TAT: variants seen among roughly 807,000 people sequenced by gnomAD.
The protein encoded by TAT is tyrosine aminotransferase, also known as L-tyrosine:2-oxoglutarate aminotransferase.
In TAT, 35 loss-of-function variants were observed where a neutral mutation model predicts 53.6. That is an observed-to-expected ratio of 0.65 (90% CI 0.50 to 0.87). TAT has a LOEUF of 0.87. Among genes scored for constraint, TAT ranks in the 40% least tolerant of loss-of-function variants. The probability of loss-of-function intolerance (pLI) is 0.00; values close to 1 mark genes in which losing one functional copy is unlikely to be tolerated. For synonymous variants in TAT, 197 were observed against 206.5 expected (o/e 0.95, Z 0.39); for missense variants, 525 against 571.8 (o/e 0.92, Z 0.83).
intron 10 of TAT, 96 bp downstream of exon 10, chr16:71,569,758 T>G: frequency 8.2e-7 from 1 of 1,213,284 alleles, no homozygotes; most frequent in Non-Finnish European, 1.2e-6. Context: ...CTGGTTGTCT[T>G]TGTACCCTGC....
At chr16:71,576,544 CTTT>C in intron 1 of TAT, 117 bp from the exon 2 acceptor site, 1 of 878,568 alleles carries the variant, frequency 1.1e-6, no homozygotes. Context: ...CAAACTCTCT[CTTT>C]ATTTTTTTTT....
rs928646377 is a variant in TAT, at chr16:71,567,935, G to A, written c.*209C>T. 8.1e-6 allele frequency: 5 copies of A among 615,804 alleles called. No homozygotes were observed. Among genetic ancestry groups the A allele is most frequent in the South Asian group, 5.6e-5 (3 of 53,842 alleles). 38.1% of individuals were successfully genotyped at this position (615,804 alleles called of 1,614,324 possible). A position where few individuals can be genotyped will look rare whatever the true frequency, so the allele number is the denominator to read the frequency against. ...TGAATTAGTGAGTCACTCTAGCAGC[G>A]CAGAGCAAGGGAGAATCTGCGATGT... is the stretch of plus-strand genomic sequence containing the variant. On this transcript the variant is annotated 3_prime_UTR_variant, in exon 12 of 12. Coordinates refer to ENST00000355962, the MANE Select transcript of TAT (RefSeq NM_000353.3).
At chr16:71,569,056 T>C (rs2044182854) in intron 10 of TAT, among the ~76,000 whole-genome samples, 1 of 152,206 alleles carries the variant, frequency 6.6e-6, no homozygotes, top group African/African-American at 2.4e-5. Context: ...AGAATGCTAG[T>C]ATGTCTCAAA....
In TAT at chr16:71,573,536, C is replaced by T. The variant is rs759433992; in HGVS notation, c.408+3G>A. 8 of 1,552,830 alleles carry T rather than the reference C, an allele frequency of 5.2e-6. No homozygotes were observed. The East Asian group carries it at 1.5e-4, about 28-fold the overall frequency. ...CAGAGCTGGTGTCTTGTATAAGGCT[C>T]ACCTTAGCTTCTAGGGGTGCCTCAG... On this transcript the variant is annotated splice_donor_region_variant and intron_variant, in intron 4 of 11. Transcript: ENST00000355962.
intron 10 of TAT, 33 bp downstream of exon 10, chr16:71,569,821 C>A (rs1235169353): frequency 1.3e-6 from 2 of 1,597,560 alleles, no homozygotes; most frequent in South Asian, 1.1e-5. Flanking sequence ...TTACAACATG[C>A]ATTGACCTAG....
Position 71,568,282 on chromosome 16 carries a change from G to A in TAT, c.1227C>T (p.Cys409=), listed in dbSNP as rs773387047. ...EQSVHCLPAT[C]FEYPNFIRVV... ...CTCGGATGAAATTCGGGTACTCAAAGCACTGCAAAAAGAAGAGTCTGTTAC... is the reference window on the plus strand; with the variant it reads ...CTCGGATGAAATTCGGGTACTCAAAACACTGCAAAAAGAAGAGTCTGTTAC... The change falls in exon 12 of 12, where the codon TGC becomes TGT. Residue 409 remains cysteine (C), a splice_region_variant and synonymous_variant. Coordinates refer to ENST00000355962, the MANE Select transcript of TAT (RefSeq NM_000353.3). 6.2e-7 allele frequency: 1 copy of A among 1,614,114 alleles called. No individual in the cohort carries two copies. The highest frequency in any genetic ancestry group is 1.1e-5 in the South Asian group (1 of 91,076).
rs534893153 is a variant in TAT, at chr16:71,575,853, A to C, written c.340+69T>G. The C allele has an allele frequency of 5.0e-6, 7 of 1,396,944 alleles. 1 individual carries two copies. The South Asian group carries it at 8.1e-5, about 16-fold the overall frequency. The allele number at this position is 1,396,944 out of a possible 1,614,324, so 86.5% of individuals were successfully genotyped here. A position where few individuals can be genotyped will look rare whatever the true frequency, so the allele number is the denominator to read the frequency against. The stretch of plus-strand genomic sequence containing the variant: ...AGGAAAGTGAAGAGGATTGCTAGAC[A>C]TTTAGTCCTGTTATAAGAGCACTAA... On this transcript the variant is annotated intron_variant, in intron 3 of 11. Transcript: ENST00000355962.
At position 71,573,614 on chromosome 16, in the gene TAT, A is replaced by C. The variant is rs764084239; in HGVS notation, c.341-8T>G. ...CCCGACTGGATAGGAAGCCTGAAAG[A>C]AAAGAGTGGAAAGTGGAGCTTTTTT... On this transcript the variant is annotated splice_region_variant and splice_polypyrimidine_tract_variant and intron_variant, in intron 3 of 11. Transcript: ENST00000355962. The C allele has an allele frequency of 1.3e-6, 2 of 1,551,834 alleles. No homozygotes were observed. Among genetic ancestry groups the C allele is most frequent in the African/African-American group, 2.7e-5 (2 of 73,038 alleles).
Position 71,567,891 on chromosome 16 carries a change from C to G in TAT, c.*253G>C, listed in dbSNP as rs190776539. ...TCAAGAAAAAAAGAAGGAAATCTTA[C>G]GAGAGGGAGGCAGATTAATGAATTA... On this transcript the variant is annotated 3_prime_UTR_variant, in exon 12 of 12. Coordinates refer to ENST00000355962, the MANE Select transcript of TAT (RefSeq NM_000353.3). 2.5e-4 allele frequency: 124 copies of G among 501,646 alleles called. No individual in the cohort carries two copies. Among genetic ancestry groups the G allele is most frequent in the East Asian group, 6.2e-4 (17 of 27,518 alleles). 31.1% of individuals were successfully genotyped at this position (501,646 alleles called of 1,614,324 possible). A position where few individuals can be genotyped will look rare whatever the true frequency, so the allele number is the denominator to read the frequency against.
At chr16:71,568,321 G>C in intron 11 of TAT, 37 bp from the exon 12 acceptor site, 1 of 1,612,064 alleles carries the variant, frequency 6.2e-7, no homozygotes, top group South Asian at 1.1e-5. Flanking sequence ...CAGAGCAATT[G>C]AGTCTGGTAC....
rs1275948022 is a variant in TAT, at chr16:71,570,784, A to G, written c.807T>C (p.Asp269=). ...KYEPLATLST[D]VPILSCGGLA... ...GCCCTCCACAGGACAGGATGGGGAC[A>G]TCGGTGCTGAGGGTGGCCAGTGGTT... Residue 269 remains aspartate (D), a synonymous_variant, in exon 8 of 12, where the codon GAT becomes GAC. Transcript: ENST00000355962. 5 of 1,614,224 alleles carry G rather than the reference A, an allele frequency of 3.1e-6. No homozygotes were observed. The highest frequency in any genetic ancestry group is 2.2e-5 in the East Asian group (1 of 44,888).
At chr16:71,575,241 A>G (rs1209907522) in intron 3 of TAT, 1 of 152,696 alleles carries the variant, frequency 6.5e-6, no homozygotes, top group Non-Finnish European at 1.5e-5. Flanking sequence ...ATGTGTTTCT[A>G]TGTACACATA....
chr16:71,565,667 G>A lies in TAT; in HGVS notation c.*2477C>T, dbSNP rs1050886323. On this transcript the variant is annotated 3_prime_UTR_variant, in exon 12 of 12. Coordinates refer to ENST00000355962, the MANE Select transcript of TAT (RefSeq NM_000353.3). ...CCTCCAGAGCGCGCAGAATTACAAA[G>A]TTGAGTAATACTTTATTTGAAAAAA... The A allele has an allele frequency of 6.6e-6, 1 of 150,908 alleles. No homozygotes were observed. The highest frequency in any genetic ancestry group is 2.5e-5 in the African/African-American group (1 of 40,374). 9.3% of individuals were successfully genotyped at this position (150,908 alleles called of 1,614,324 possible). A position where few individuals can be genotyped will look rare whatever the true frequency, so the allele number is the denominator to read the frequency against.
At position 71,568,826 on chromosome 16, in the gene TAT, G is replaced by A. The variant is rs529501658; in HGVS notation, c.1126-17C>T. 14 of 1,601,966 alleles carry A rather than the reference G, an allele frequency of 8.7e-6. No homozygotes were observed. In the South Asian group the frequency reaches 1.3e-4, roughly 15 times the overall value. On this transcript the variant is annotated splice_polypyrimidine_tract_variant and intron_variant, in intron 10 of 11. Transcript: ENST00000355962. Reference sequence around the variant, plus strand: ...AATTCCAACCTATACCAACAGGAGGGAGAGGCCAACTTATCAGAAGGAGGG... The same window carrying A: ...AATTCCAACCTATACCAACAGGAGGAAGAGGCCAACTTATCAGAAGGAGGG...
rs550620178 is a variant in TAT, at chr16:71,572,659, T to C, written c.438A>G (p.Gln146=). 29 of 1,614,232 alleles carry C rather than the reference T, an allele frequency of 1.8e-5. No homozygotes were observed. Among genetic ancestry groups the C allele is most frequent in the Non-Finnish European group, 2.2e-5 (26 of 1,180,044 alleles). The change falls in exon 5 of 12, where the codon CAA becomes CAG. Residue 146 remains glutamine, a synonymous_variant. Coordinates refer to ENST00000355962, the MANE Select transcript of TAT (RefSeq NM_000353.3). ...ACACAGCTAAACAAAGGTCAATAGCTTGGCTGCAGCCACTTGTCAGAATGA... is the reference window on the plus strand; with the variant it reads ...ACACAGCTAAACAAAGGTCAATAGCCTGGCTGCAGCCACTTGTCAGAATGA... ...KDVILTSGCS[Q]AIDLCLAVLA...
chr16:71,572,748 AGTT>A (rs971905326), intron 4 of TAT, 60 bp from the exon 5 acceptor site: 2 of 1,602,730 alleles, frequency 1.2e-6, no homozygotes, highest in African/African-American at 2.7e-5. Flanking sequence ...GGAGAAAAGA[AGTT>A]GTCAGGTGGG....
At chr16:71,575,373 C>A in intron 3 of TAT, 1 of 156,696 alleles carries the variant, frequency 6.4e-6, no homozygotes, top group Non-Finnish European at 1.4e-5. Flanking sequence ...CTATCAGAAA[C>A]AACCTTCTAT....
intron 3 of TAT, chr16:71,575,695 G>A: frequency 1.7e-6 from 1 of 594,498 alleles, no homozygotes; most frequent in Admixed American, 2.8e-5. Flanking sequence ...GAGCCTAGAG[G>A]GGAAGTGCCC....
rs979442158 is a variant in TAT, at chr16:71,566,998, A to T, written c.*1146T>A. The T allele has an allele frequency of 2.0e-5, 3 of 152,246 alleles. No individual in the cohort carries two copies. The allele number at this position is 152,246 out of a possible 1,614,324, so 9.4% of individuals were successfully genotyped here. On this transcript the variant is annotated 3_prime_UTR_variant, in exon 12 of 12. Transcript: ENST00000355962. Reference sequence around the variant, plus strand: ...AAATCAATATTAACATTACAGCAAAAGTAATAATGATTATATAACAATGAC... The same window carrying T: ...AAATCAATATTAACATTACAGCAAATGTAATAATGATTATATAACAATGAC...
Sources: gnomAD v4.1 joint callset for allele counts (sites outside exome capture counted in the v4.1 genomes callset) on GRCh38, gnomAD v4.1.1 for gene constraint, MANE v1.5 for transcripts, NCBI Gene and HGNC (gene_info 2026-07-23, HGNC 2026-07-21) for gene names.